RANGAP1: variants seen among roughly 807,000 people sequenced by gnomAD.
RANGAP1 encodes Ran GTPase activating protein 1.
RANGAP1 carries 38 observed loss-of-function variants against 63.5 expected under a neutral mutation model. The ratio of observed to expected loss-of-function variants is 0.60; its 90% CI spans 0.46 to 0.78. The LOEUF is 0.78. Among genes scored for constraint, RANGAP1 ranks in the 30% least tolerant of loss-of-function variants. The probability of loss-of-function intolerance (pLI) is 0.00; values close to 1 mark genes in which losing one functional copy is unlikely to be tolerated. For missense variants in RANGAP1, 630 were observed against 740.3 expected (o/e 0.85, Z 1.73); for synonymous variants, 329 against 310.5 (o/e 1.06, Z -0.63).
chr22:41,256,264 G>A lies in RANGAP1; in HGVS notation c.915C>T (p.Ile305=). ...LKELNLSFCE[I]KRDAALAVAE... is the part of the protein sequence containing the mutation. The stretch of plus-strand genomic sequence containing the variant: ...CAACAGCCAGGGCAGCATCCCTCTT[G>A]ATTTCACAGAATGACAAGTTCAGCT... Residue 305 remains isoleucine, a synonymous_variant, in exon 9 of 16, where the codon ATC becomes ATT. Transcript: ENST00000356244. 6.2e-7 allele frequency: 1 copy of A among 1,614,062 alleles called. No homozygotes were observed. The highest frequency in any genetic ancestry group is 8.5e-7 in the Non-Finnish European group (1 of 1,180,006).
the RANGAP1 span, among the ~76,000 whole-genome samples, chr22:41,297,390 A>T: frequency 6.6e-6 from 1 of 151,774 alleles, no homozygotes; most frequent in African/African-American, 2.4e-5. Context: ...TAAATATTAA[A>T]CTCATCTGGA....
intron 15 of RANGAP1, among the ~76,000 whole-genome samples, chr22:41,247,079 G>A (rs569595685): frequency 1.2e-3 from 178 of 151,228 alleles, no homozygotes; most frequent in African/African-American, 3.9e-3. Flanking sequence ...TTTTTGAGAC[G>A]GAGTCTCGCT....
chr22:41,275,473 C>T (rs1489946215), intron 2 of RANGAP1, among the ~76,000 whole-genome samples: 1 of 151,038 alleles, frequency 6.6e-6, no homozygotes, highest in African/African-American at 2.4e-5. Context: ...GCCTGGGAGA[C>T]ACAGCAAGAC....
chr22:41,278,564 G>A (rs2035293909), intron 2 of RANGAP1, among the ~76,000 whole-genome samples: 3 of 152,214 alleles, frequency 2.0e-5, no homozygotes, highest in African/African-American at 4.8e-5. Flanking sequence ...TTCCTAAACG[G>A]AGCTCAATGT....
rs1406378786 is a variant in RANGAP1 at position 41,262,157 on chromosome 22, GC to G, written c.481-578del. ...CTGCCTGTGCCTAAAAGCTGGCCAG[GC>G]ACAGCAGGAGCTTGCCTGCTGGTGG... On this transcript the variant is annotated intron_variant, in intron 5 of 15. Transcript: ENST00000356244. Among the ~76,000 whole-genome samples, 5 of 152,236 alleles carry G rather than the reference GC, an allele frequency of 3.3e-5. No individual in the cohort carries two copies. The East Asian group carries it at 5.8e-4, about 18-fold the overall frequency.
the RANGAP1 span, among the ~76,000 whole-genome samples, chr22:41,301,130 G>T: frequency 6.6e-6 from 1 of 152,044 alleles, no homozygotes; most frequent in African/African-American, 2.4e-5. Context: ...GCCAAGTGAG[G>T]TCCTGATTCT....
chr22:41,256,350 ACTCTAAGCCTCAGTTTCC>A, intron 8 of RANGAP1, 60 bp from the exon 9 acceptor site: 1 of 1,517,192 alleles, frequency 6.6e-7, no homozygotes, highest in Non-Finnish European at 9.1e-7. Flanking sequence ...ACCAGGTTCT[ACTCTAAGCCTCAGTTTCC>A]CCAAGTGAGG....
At position 41,256,709 on chromosome 22, in the gene RANGAP1, A is replaced by G; in HGVS notation, c.888+2T>C. On this transcript the variant is annotated splice_donor_variant, in intron 8 of 15. Transcript: ENST00000356244. LOFTEE classifies it high-confidence loss of function. Reference sequence around the variant, plus strand: ...GAGGACGTCAGGCGTCCAGGCTGGCACCTTTAGCTTGGGCAGGCCGCCGCG... The same window carrying G: ...GAGGACGTCAGGCGTCCAGGCTGGCGCCTTTAGCTTGGGCAGGCCGCCGCG... 2.5e-6 allele frequency: 4 copies of G among 1,613,370 alleles called. No homozygotes were observed. Among genetic ancestry groups the G allele is most frequent in the Non-Finnish European group, 3.4e-6 (4 of 1,179,724 alleles).
chr22:41,266,661 G>T (rs1291052513), intron 4 of RANGAP1, among the ~76,000 whole-genome samples: 1 of 152,204 alleles, frequency 6.6e-6, no homozygotes, highest in African/African-American at 2.4e-5. Context: ...AGCATCCTGA[G>T]TAGCTGGGAT....
chr22:41,270,658 A>C (rs1487685212), intron 3 of RANGAP1, among the ~76,000 whole-genome samples: 1 of 152,204 alleles, frequency 6.6e-6, no homozygotes, highest in Admixed American at 6.5e-5. Context: ...TATGTTGTCC[A>C]GGCTTGTCTC....
At chr22:41,275,965 A>G (rs1194461590) in intron 2 of RANGAP1, among the ~76,000 whole-genome samples, 1 of 152,120 alleles carries the variant, frequency 6.6e-6, no homozygotes, top group East Asian at 1.9e-4. Flanking sequence ...AAACAAACAA[A>G]AAAAGAGAGA....
At chr22:41,291,366 G>A in the RANGAP1 span, among the ~76,000 whole-genome samples, 1 of 152,074 alleles carries the variant, frequency 6.6e-6, no homozygotes, top group Non-Finnish European at 1.5e-5. Flanking sequence ...GGGAGGCCGA[G>A]GTGGGCAGAT....
chr22:41,270,499 G>A (rs1218068267), intron 3 of RANGAP1, among the ~76,000 whole-genome samples: 2 of 152,152 alleles, frequency 1.3e-5, no homozygotes, highest in Non-Finnish European at 2.9e-5. Context: ...CCAGGCCGGG[G>A]CGTAGCCATG....
intron 5 of RANGAP1, among the ~76,000 whole-genome samples, chr22:41,262,514 C>T (rs1283746075): frequency 6.6e-6 from 1 of 152,172 alleles, no homozygotes; most frequent in Non-Finnish European, 1.5e-5. Context: ...AGTGAATTGG[C>T]CAAGGTCACC....
At chr22:41,270,190 G>C (rs1339718092) in intron 3 of RANGAP1, among the ~76,000 whole-genome samples, 1 of 151,906 alleles carries the variant, frequency 6.6e-6, no homozygotes, top group Non-Finnish European at 1.5e-5. Context: ...GCCCAGGCTA[G>C]AGTGCAATGG....
In RANGAP1 at chr22:41,280,983, C is replaced by T. The variant is rs747412386; in HGVS notation, c.62G>A (p.Gly21Glu). 1 of 1,613,592 alleles carries T rather than the reference C, an allele frequency of 6.2e-7. No individual in the cohort carries two copies. The highest frequency in any genetic ancestry group is 8.5e-7 in the Non-Finnish European group (1 of 1,179,896). The stretch of plus-strand genomic sequence containing the variant: ...GCTCTTGCCTTTGAAACTCAGCTGT[C>T]CCCCGGCCACCTGAGTCTTGGCAAG... ...ETLAKTQVAG[G>E]QLSFKGKSLK... The change falls in exon 2 of 16, where the codon GGA becomes GAA. Residue 21 changes from glycine to glutamate, a missense_variant. This residue lies in a region of RANGAP1 where 65 missense variants were observed against 60.5 expected (regional missense o/e 1.07). Coordinates refer to ENST00000356244, the MANE Select transcript of RANGAP1 (RefSeq NM_002883.4).
intron 3 of RANGAP1, among the ~76,000 whole-genome samples, chr22:41,274,081 A>G: frequency 6.6e-6 from 1 of 152,228 alleles, no homozygotes; most frequent in East Asian, 1.9e-4. Context: ...CCGTCTCAAA[A>G]AACAAAAAAA....
At chr22:41,251,523 GGCTGAGGCAGGAGGACT>G (rs1374150590) in intron 12 of RANGAP1, among the ~76,000 whole-genome samples, 1 of 152,058 alleles carries the variant, frequency 6.6e-6, no homozygotes, top group Non-Finnish European at 1.5e-5. Context: ...CTACTTGGGA[GGCTGAGGCAGGAGGACT>G]GCTTGAGCCC....
intron 6 of RANGAP1, 39 bp downstream of exon 6, chr22:41,261,407 C>T (rs770516989): frequency 1.9e-6 from 3 of 1,613,284 alleles, no homozygotes; most frequent in South Asian, 2.2e-5. Flanking sequence ...CCGAGTGCAC[C>T]TCAAGGCTGC....
Sources: allele counts gnomAD v4.1 joint callset (sites outside exome capture counted in the v4.1 genomes callset), GRCh38; gene constraint gnomAD v4.1.1; regional missense constraint gnomAD v4.1.1; transcripts MANE v1.5; gene names NCBI Gene and HGNC (gene_info 2026-07-23, HGNC 2026-07-21).